GNAQ: variants seen among roughly 807,000 people sequenced by gnomAD.
GNAQ encodes guanine nucleotide-binding protein G(q) subunit alpha.
A neutral mutation model predicts 43.9 loss-of-function variants in GNAQ; 8 were observed. The ratio of observed to expected loss-of-function variants is 0.18; its 90% confidence interval spans 0.11 to 0.33. GNAQ has a LOEUF of 0.33. Ranked by LOEUF, GNAQ falls within the 10% of genes least tolerant of loss-of-function variation. The pLI, the probability that GNAQ is intolerant of heterozygous loss-of-function variation, is 1.00. For missense variants in GNAQ, 158 were observed against 450.8 expected (o/e 0.35, Z 5.88); for synonymous variants, 155 against 170.7 (o/e 0.91, Z 0.71).
intron 5 of GNAQ, among the ~76,000 whole-genome samples, chr9:77,757,402 C>T (rs1426478580): frequency 6.6e-6 from 1 of 152,182 alleles, no homozygotes; most frequent in Non-Finnish European, 1.5e-5. Context: ...GCTTAAAAAT[C>T]TCCACATGTA....
At chr9:77,798,542 A>T (rs1328897136) in intron 3 of GNAQ, among the ~76,000 whole-genome samples, 1 of 152,190 alleles carries the variant, frequency 6.6e-6, no homozygotes, top group East Asian at 1.9e-4. Flanking sequence ...TATTGTATGT[A>T]TGTATACAGT....
chr9:77,794,397 C>T (rs1826625481), intron 5 of GNAQ, 66 bp downstream of exon 5: 2 of 1,147,406 alleles, frequency 1.7e-6, no homozygotes, highest in Non-Finnish European at 2.5e-6. Context: ...CCACACCCTA[C>T]TTTCTATCAT....
chr9:77,839,944 G>A (rs944833987), intron 2 of GNAQ, among the ~76,000 whole-genome samples: 2 of 152,200 alleles, frequency 1.3e-5, no homozygotes, highest in African/African-American at 4.8e-5. Context: ...TGAGACTTCT[G>A]AGAGCCAAGT....
intron 2 of GNAQ, among the ~76,000 whole-genome samples, chr9:77,843,027 A>G (rs553161948): frequency 1.8e-4 from 27 of 152,308 alleles, no homozygotes; most frequent in African/African-American, 5.8e-4. Context: ...AAAAGAACAC[A>G]CAGACTAAGG....
intron 6 of GNAQ, among the ~76,000 whole-genome samples, chr9:77,725,232 A>G (rs1359242237): frequency 1.3e-5 from 2 of 152,220 alleles, no homozygotes; most frequent in East Asian, 3.9e-4. Context: ...TCACAGCAGG[A>G]GCAGAATTCC....
At chr9:77,724,910 A>G (rs1459475616) in intron 6 of GNAQ, among the ~76,000 whole-genome samples, 1 of 151,706 alleles carries the variant, frequency 6.6e-6, no homozygotes, top group Non-Finnish European at 1.5e-5. Flanking sequence ...ATCTTTTTCA[A>G]TGTACTATTA....
chr9:77,789,241 A>C (rs1386474184), intron 5 of GNAQ, among the ~76,000 whole-genome samples: 1 of 152,246 alleles, frequency 6.6e-6, no homozygotes, highest in African/African-American at 2.4e-5. Flanking sequence ...TATAACCATA[A>C]AAATAAATTT....
At chr9:77,823,900 C>A (rs1334042560) in intron 2 of GNAQ, among the ~76,000 whole-genome samples, 1 of 152,018 alleles carries the variant, frequency 6.6e-6, no homozygotes, top group Non-Finnish European at 1.5e-5. Context: ...ATTTATTGAC[C>A]AGCAAATCTA....
chr9:78,016,660 C>T (rs1447134143), intron 1 of GNAQ, among the ~76,000 whole-genome samples: 5 of 149,052 alleles, frequency 3.4e-5, no homozygotes, highest in Admixed American at 6.7e-5. Flanking sequence ...CCGGCCTGGG[C>T]GACAGAGCAA....
chr9:77,982,898 G>A (rs1195296279), intron 1 of GNAQ, among the ~76,000 whole-genome samples: 1 of 152,150 alleles, frequency 6.6e-6, no homozygotes, highest in African/African-American at 2.4e-5. Flanking sequence ...GTATACATAT[G>A]TAACAAAAAT....
intron 5 of GNAQ, among the ~76,000 whole-genome samples, chr9:77,733,280 C>T (rs1825523902): frequency 6.6e-6 from 1 of 152,268 alleles, no homozygotes; most frequent in African/African-American, 2.4e-5. Flanking sequence ...TATTTAACAT[C>T]TCAAATCAAT....
rs749083200 is a variant in GNAQ, at chr9:77,717,292, A to C, written c.*4031T>G. On this transcript the variant is annotated 3_prime_UTR_variant, in exon 7 of 7. Transcript: ENST00000286548. ...TGTTGATTACCAATTAAGTGGTTTT[A>C]AACCCTTATTTAATTTGAAGAAGAG... 5.6e-5 allele frequency: 13 copies of C among 232,406 alleles called. No individual in the cohort carries two copies. Among genetic ancestry groups the C allele is most frequent in the Non-Finnish European group, 9.3e-5 (11 of 117,648 alleles). The allele number at this position is 232,406 out of a possible 1,614,324, so 14.4% of individuals were successfully genotyped here.
rs565769784 is a variant in GNAQ, at chr9:77,978,248, G to A, written c.136+52852C>T. ...TTCAGACAGAATCTACTGACTTACC[G>A]CCTCCCCCGTATCTAACTCATTCAC... On this transcript the variant is annotated intron_variant, in intron 1 of 6. Coordinates refer to ENST00000286548, the MANE Select transcript of GNAQ (RefSeq NM_002072.5). Among the ~76,000 whole-genome samples, 8 of 152,066 alleles carry A rather than the reference G, an allele frequency of 5.3e-5. No homozygotes were observed. In the East Asian group the frequency reaches 1.2e-3, roughly 22 times the overall value.
intron 2 of GNAQ, among the ~76,000 whole-genome samples, chr9:77,853,800 A>AAAC (rs1554720789): frequency 2.5e-4 from 37 of 146,202 alleles, no homozygotes; most frequent in Non-Finnish European, 3.8e-4. Flanking sequence ...AAAAAAAAAA[A>AAAC]CCCACAGGCA....
In GNAQ at chr9:77,967,567, A is replaced by G. The variant is rs528993092; in HGVS notation, c.137-45222T>C. On this transcript the variant is annotated intron_variant, in intron 1 of 6. Transcript: ENST00000286548. ...ATGGTGACTCAAGGAAGCCAGCCAC[A>G]AAATGCCACATATGATTCCATTTAT... 3.7e-3 allele frequency among the ~76,000 whole-genome samples: 568 copies of G among 152,332 alleles called. 3 individuals are homozygous for G. The highest frequency in any genetic ancestry group is 0.013 in the African/African-American group (540 of 41,580).
intron 2 of GNAQ, among the ~76,000 whole-genome samples, chr9:77,906,143 T>A (rs1402603213): frequency 6.6e-6 from 1 of 152,302 alleles, no homozygotes; most frequent in South Asian, 2.1e-4. Context: ...TGATACTACC[T>A]GACATGTAAT....
intron 1 of GNAQ, among the ~76,000 whole-genome samples, chr9:77,950,204 T>C (rs1008264153): frequency 5.9e-5 from 9 of 152,204 alleles, no homozygotes; most frequent in African/African-American, 2.2e-4. Flanking sequence ...GCTGGTCAGC[T>C]CTAAACTCAT....
At chr9:77,748,513 T>C (rs1274859332) in intron 5 of GNAQ, among the ~76,000 whole-genome samples, 1 of 152,212 alleles carries the variant, frequency 6.6e-6, no homozygotes, top group African/African-American at 2.4e-5. Flanking sequence ...ATGTGGGGCA[T>C]AAATTGCCTC....
intron 1 of GNAQ, among the ~76,000 whole-genome samples, chr9:77,996,267 T>A (rs766235671): frequency 1.3e-5 from 2 of 152,238 alleles, no homozygotes; most frequent in Non-Finnish European, 2.9e-5. Context: ...TAATTTCATC[T>A]TTTGATAAGT....
Sources: gnomAD v4.1 joint callset for allele counts (sites outside exome capture counted in the v4.1 genomes callset) on GRCh38, gnomAD v4.1.1 for gene constraint, MANE v1.5 for transcripts, NCBI Gene and HGNC (gene_info 2026-07-23, HGNC 2026-07-21) for gene names.